Variants in NR1I2 observed in about 807,000 individuals in gnomAD.
NR1I2 encodes the protein nuclear receptor subfamily 1 group I member 2.
A neutral mutation model predicts 43.3 loss-of-function variants in NR1I2; 42 were observed. The observed-to-expected ratio is 0.97, with a 90% CI of 0.76 to 1.26. The LOEUF (loss-of-function observed/expected upper bound fraction) is 1.26, where lower values mean the gene tolerates loss of function less well. Among genes scored for constraint, NR1I2 ranks in the 50% most tolerant of loss-of-function variants. The pLI is 0.00. For synonymous variants in NR1I2, 229 were observed against 215.0 expected (o/e 1.06, Z -0.57); for missense variants, 559 against 566.7 (o/e 0.99, Z 0.14).
At position 119,807,313 on chromosome 3, in the gene NR1I2, G is replaced by T. The variant is rs1219117720; in HGVS notation, c.63G>T (p.Glu21Asp). Residue 21 changes from glutamate to aspartate, a missense_variant, in exon 2 of 9, where the codon GAG becomes GAT. Transcript: ENST00000393716. Reference sequence around the variant, plus strand: ...ACTTTGTACACTGTGAGGACACAGAGTCTGTTCCTGGAAAGCCCAGTGTCA... The same window carrying T: ...ACTTTGTACACTGTGAGGACACAGATTCTGTTCCTGGAAAGCCCAGTGTCA... The T allele has an allele frequency of 6.2e-7, 1 of 1,614,232 alleles. No homozygotes were observed. The highest frequency in any genetic ancestry group is 8.5e-7 in the Non-Finnish European group (1 of 1,180,042).
At position 119,818,424 on chromosome 3, in the gene NR1I2, A is replaced by T. The variant is rs370551529; in HGVS notation, c.*1212A>T. On this transcript the variant is annotated 3_prime_UTR_variant, in exon 9 of 9. Transcript: ENST00000393716. Reference sequence around the variant, plus strand: ...CACACCTAAGAACTAGTTTTGGGAAATGTAGCCCTGGGTTTAATGTCAAAT... The same window carrying T: ...CACACCTAAGAACTAGTTTTGGGAATTGTAGCCCTGGGTTTAATGTCAAAT... The T allele has an allele frequency of 1.9e-5, 19 of 985,350 alleles. No homozygotes were observed. In the South Asian group the frequency reaches 2.3e-4, roughly 12 times the overall value. The allele number at this position is 985,350 out of a possible 1,614,324, so 61.0% of individuals were successfully genotyped here. A position where few individuals can be genotyped will look rare whatever the true frequency, so the allele number is the denominator to read the frequency against.
intron 2 of NR1I2, 77 bp from the exon 3 acceptor site, chr3:119,809,984 G>A (rs945523214): frequency 1.3e-6 from 2 of 1,586,962 alleles, no homozygotes; most frequent in South Asian, 1.1e-5. Context: ...TGGGGAGGGA[G>A]GTGGTATGGC....
intron 2 of NR1I2, 138 bp downstream of exon 2, chr3:119,807,585 G>A (rs966354729): frequency 8.3e-6 from 6 of 721,706 alleles, no homozygotes; most frequent in African/African-American, 5.2e-5. Flanking sequence ...TTAGTCTCAA[G>A]GGAGCCATTT....
rs770072883 is a variant in NR1I2, at chr3:119,782,718, G to A, written c.-23+418G>A. 24 of 1,458,986 alleles carry A rather than the reference G, an allele frequency of 1.6e-5. No homozygotes were observed. In the Middle Eastern group the frequency reaches 7.4e-4, roughly 45 times the overall value. The allele number at this position is 1,458,986 out of a possible 1,614,324, so 90.4% of individuals were successfully genotyped here. A position where few individuals can be genotyped will look rare whatever the true frequency, so the allele number is the denominator to read the frequency against. ...CAGTCCTGATTCCTTTTGGCCTGCT[G>A]GGTTAGTGCTGGCAGCCCCCTGAGG... is the stretch of plus-strand genomic sequence containing the variant. On this transcript the variant is annotated intron_variant, in intron 1 of 8. Transcript: ENST00000393716.
intron 5 of NR1I2, among the ~76,000 whole-genome samples, chr3:119,813,984 A>G (rs2055282853): frequency 6.6e-6 from 1 of 152,204 alleles, no homozygotes; most frequent in Non-Finnish European, 1.5e-5. Context: ...GTACAAGGTC[A>G]CAGCTAATCA....
At chr3:119,792,443 G>C in intron 1 of NR1I2, 1 of 1,168,560 alleles carries the variant, frequency 8.6e-7, no homozygotes, top group Non-Finnish European at 1.3e-6. Context: ...CGGCCTGATG[G>C]AGCTGTGCAA....
intron 1 of NR1I2, among the ~76,000 whole-genome samples, chr3:119,805,757 T>C (rs2055151213): frequency 7.5e-6 from 1 of 133,660 alleles, no homozygotes; most frequent in African/African-American, 2.7e-5. Flanking sequence ...GGAGGATTTC[T>C]GTTGGGTGTC....
chr3:119,814,833 G>C, intron 5 of NR1I2, 146 bp from the exon 6 acceptor site: 4 of 998,314 alleles, frequency 4.0e-6, no homozygotes, highest in South Asian at 1.4e-5. Flanking sequence ...GAGGCAGCCA[G>C]ACAGCAGCCA....
intron 1 of NR1I2, among the ~76,000 whole-genome samples, chr3:119,798,177 G>C (rs1168500759): frequency 6.6e-6 from 1 of 152,044 alleles, no homozygotes; most frequent in Admixed American, 6.6e-5. Context: ...ACTGAGTCTC[G>C]TGTGTCTCTT....
chr3:119,816,278 T>C (rs926746673), intron 8 of NR1I2, among the ~76,000 whole-genome samples: 3 of 152,172 alleles, frequency 2.0e-5, no homozygotes, highest in Non-Finnish European at 4.4e-5. Context: ...CCCTTCCTTG[T>C]ATGGAGGCAG....
At chr3:119,810,039 T>C (rs1262064573) in intron 2 of NR1I2, 22 bp from the exon 3 acceptor site, 62 of 1,613,358 alleles carry the variant, frequency 3.8e-5, no homozygotes, top group Non-Finnish European at 5.3e-5. Context: ...CATCCCCCCT[T>C]CTGCTCCCCA....
Position 119,817,396 on chromosome 3 carries a change from A to G in NR1I2, c.*184A>G, listed in dbSNP as rs1577288961. The G allele has an allele frequency of 2.0e-6, 3 of 1,471,772 alleles. No homozygotes were observed. The African/African-American group carries it at 4.2e-5, about 21-fold the overall frequency. The allele number at this position is 1,471,772 out of a possible 1,614,324, so 91.2% of individuals were successfully genotyped here. A position where few individuals can be genotyped will look rare whatever the true frequency, so the allele number is the denominator to read the frequency against. ...CTCAGGAAGGACATGGGTGCCCCCC[A>G]CCCCCAGTTCAGTCTGTAGGGAGTG... On this transcript the variant is annotated 3_prime_UTR_variant, in exon 9 of 9. Transcript: ENST00000393716.
intron 1 of NR1I2, among the ~76,000 whole-genome samples, chr3:119,796,092 C>G (rs1002634315): frequency 3.3e-5 from 5 of 152,200 alleles, no homozygotes; most frequent in African/African-American, 1.2e-4. Context: ...CTTTAGTCCT[C>G]CTCTTCCTCA....
chr3:119,796,738 A>G (rs4687887), intron 1 of NR1I2, among the ~76,000 whole-genome samples: 13,629 of 152,242 alleles, frequency 0.09, 1,368 homozygotes, highest in African/African-American at 0.25. Context: ...TCAGCATGGC[A>G]TCTGCCTTTC....
chr3:119,817,014 G>A, intron 8 of NR1I2, 54 bp from the exon 9 acceptor site: 1 of 1,612,080 alleles, frequency 6.2e-7, no homozygotes, highest in Non-Finnish European at 8.5e-7. Flanking sequence ...CAGCCCTGAG[G>A]CTTGTGGGTC....
chr3:119,815,269 A>T (rs972713626), intron 6 of NR1I2, 54 bp from the exon 7 acceptor site: 1 of 1,574,772 alleles, frequency 6.4e-7, no homozygotes, highest in African/African-American at 1.3e-5. Context: ...AGGGATGATT[A>T]GATCTTGGTC....
At chr3:119,804,441 TA>T (rs1265702933) in intron 1 of NR1I2, among the ~76,000 whole-genome samples, 72 of 129,052 alleles carry the variant, frequency 5.6e-4, no homozygotes, top group African/African-American at 2.0e-3. Context: ...ACATAGTTGG[TA>T]TTTTTTTTTT....
chr3:119,799,548 A>C (rs984836047), intron 1 of NR1I2, among the ~76,000 whole-genome samples: 4 of 152,188 alleles, frequency 2.6e-5, no homozygotes, highest in African/African-American at 9.7e-5. Flanking sequence ...CAATTTATCA[A>C]CTTTTTTGTG....
intron 1 of NR1I2, chr3:119,791,802 G>A (rs2054922881): frequency 2.1e-6 from 1 of 480,652 alleles, no homozygotes; most frequent in Non-Finnish European, 4.1e-6. Flanking sequence ...AGGTGTGAGA[G>A]GGTTCAACAG....
Sources: allele counts gnomAD v4.1 joint callset (sites outside exome capture counted in the v4.1 genomes callset), GRCh38; gene constraint gnomAD v4.1.1; transcripts MANE v1.5; gene names NCBI Gene and HGNC (gene_info 2026-07-23, HGNC 2026-07-21).